CUBN: variants seen among roughly 807,000 people sequenced by gnomAD.
CUBN encodes the protein cubilin.
CUBN carries 282 observed loss-of-function variants against 405.3 expected under a neutral mutation model. That is an observed-to-expected ratio of 0.70 (90% CI 0.63 to 0.77). The LOEUF (loss-of-function observed/expected upper bound fraction) is 0.77, where lower values mean the gene tolerates loss of function less well. Among genes scored for constraint, CUBN ranks in the 30% least tolerant of loss-of-function variants. The pLI is 0.00. For synonymous variants in CUBN, 1,684 were observed against 1,617.0 expected (o/e 1.04, Z -0.99); for missense variants, 4,514 against 4,475.2 (o/e 1.01, Z -0.25).
At chr10:17,083,633 A>C (rs1313156319) in intron 17 of CUBN, among the ~76,000 whole-genome samples, 1 of 152,172 alleles carries the variant, frequency 6.6e-6, no homozygotes, top group Non-Finnish European at 1.5e-5. Flanking sequence ...TAAATGTAGA[A>C]AGAAGAGGAC....
chr10:17,077,012 T>C (rs908418513), intron 17 of CUBN, among the ~76,000 whole-genome samples: 2 of 152,240 alleles, frequency 1.3e-5, no homozygotes, highest in African/African-American at 4.8e-5. Context: ...GTCTGGTTTG[T>C]GCAGAAAAAC....
At chr10:17,018,078 C>G (rs776936587) in intron 28 of CUBN, among the ~76,000 whole-genome samples, 1 of 152,112 alleles carries the variant, frequency 6.6e-6, no homozygotes, top group East Asian at 1.9e-4. Flanking sequence ...CCAGGCCAAC[C>G]AACGCTCCCA....
intron 17 of CUBN, among the ~76,000 whole-genome samples, chr10:17,082,515 T>G (rs547672515): frequency 6.6e-6 from 1 of 152,292 alleles, no homozygotes; most frequent in African/African-American, 2.4e-5. Context: ...GTACTGATAG[T>G]TCTTTAGAAC....
intron 62 of CUBN, among the ~76,000 whole-genome samples, chr10:16,839,814 C>G (rs546289704): frequency 1.3e-5 from 2 of 151,920 alleles, no homozygotes; most frequent in African/African-American, 2.4e-5. Context: ...TTGGAACCAT[C>G]CCAAATGTCC....
Position 16,900,719 on chromosome 10 carries a change from T to C in CUBN, c.8316A>G (p.Ile2772Met). ...QYCGNSNPRT[I>M]QSGSNQLVVT... ...CGACCAGCTGATTGGAACCTGACTG[T>C]ATTGTCCTGGGGTTTGAATTTCCAC... The change falls in exon 53 of 67, where the codon ATA (isoleucine) becomes ATG (methionine). Residue 2772 changes from isoleucine (I) to methionine (M), a missense_variant. Transcript: ENST00000377833. The C allele has an allele frequency of 6.2e-7, 1 of 1,614,174 alleles. No homozygotes were observed. Among genetic ancestry groups the C allele is most frequent in the Non-Finnish European group, 8.5e-7 (1 of 1,180,002 alleles).
Position 17,043,820 on chromosome 10 carries a change from C to A in CUBN, c.3829+7G>T, listed in dbSNP as rs750049775. On this transcript the variant is annotated splice_region_variant and intron_variant, in intron 26 of 66. Transcript: ENST00000377833. ...TACACACTTACTCTGCCGGTATTCACACTTACTCTGCCGGTATTCAGCCTT... is the reference window on the plus strand; with the variant it reads ...TACACACTTACTCTGCCGGTATTCAAACTTACTCTGCCGGTATTCAGCCTT... 5.6e-6 allele frequency: 9 copies of A among 1,611,308 alleles called. No individual in the cohort carries two copies. The highest frequency in any genetic ancestry group is 7.6e-6 in the Non-Finnish European group (9 of 1,178,330).
intron 31 of CUBN, among the ~76,000 whole-genome samples, chr10:16,970,888 C>T (rs758404522): frequency 3.7e-4 from 57 of 152,184 alleles, no homozygotes; most frequent in Admixed American, 9.2e-4. Context: ...CAACAGCAAA[C>T]GAACTCTAAG....
Position 16,913,997 on chromosome 10 carries a change from C to G in CUBN, c.7352-5G>C, listed in dbSNP as rs541029961. Reference sequence around the variant, plus strand: ...CCTGAAGATCCCCACCACACTCTGACGTGGGGAAAAAGCCAAGAAAACTTT... The same window carrying G: ...CCTGAAGATCCCCACCACACTCTGAGGTGGGGAAAAAGCCAAGAAAACTTT... On this transcript the variant is annotated splice_polypyrimidine_tract_variant and splice_region_variant and intron_variant, in intron 47 of 66. Coordinates refer to ENST00000377833, the MANE Select transcript of CUBN (RefSeq NM_001081.4). 2 of 1,613,722 alleles carry G rather than the reference C, an allele frequency of 1.2e-6. No homozygotes were observed. The highest frequency in any genetic ancestry group is 8.5e-7 in the Non-Finnish European group (1 of 1,179,916).
chr10:16,872,417 T>G (rs1156727588), intron 58 of CUBN, among the ~76,000 whole-genome samples: 1 of 151,850 alleles, frequency 6.6e-6, no homozygotes, highest in Non-Finnish European at 1.5e-5. Context: ...TGAGTTGGTA[T>G]GTATACCATG....
intron 28 of CUBN, among the ~76,000 whole-genome samples, chr10:17,001,170 G>A (rs757707399): frequency 1.3e-5 from 2 of 152,200 alleles, no homozygotes; most frequent in Non-Finnish European, 2.9e-5. Context: ...CAGGAGTGAA[G>A]GTGGAGACCT....
chr10:17,026,583 G>C (rs751710179), intron 27 of CUBN, among the ~76,000 whole-genome samples: 2 of 151,284 alleles, frequency 1.3e-5, no homozygotes, highest in Non-Finnish European at 1.5e-5. Flanking sequence ...GCAGTGAGCC[G>C]AGATCGCACC....
intron 51 of CUBN, among the ~76,000 whole-genome samples, chr10:16,902,300 G>T (rs1396157410): frequency 7.3e-6 from 1 of 136,240 alleles, no homozygotes; most frequent in Non-Finnish European, 1.5e-5. Context: ...ATATATTTGT[G>T]TATATATAGT....
At chr10:16,871,300 C>T (rs570454281) in intron 58 of CUBN, among the ~76,000 whole-genome samples, 2 of 151,856 alleles carry the variant, frequency 1.3e-5, no homozygotes, top group South Asian at 2.1e-4. Context: ...CCTCAGCCTC[C>T]CTGTGCTGGG....
intron 28 of CUBN, among the ~76,000 whole-genome samples, chr10:17,014,718 G>A (rs1247663190): frequency 6.6e-6 from 1 of 152,168 alleles, no homozygotes; most frequent in East Asian, 1.9e-4. Flanking sequence ...GTAGCCAAAA[G>A]TAAATCATCC....
At chr10:17,115,098 G>T (rs1357632387) in intron 7 of CUBN, among the ~76,000 whole-genome samples, 2 of 151,998 alleles carry the variant, frequency 1.3e-5, no homozygotes, top group Non-Finnish European at 2.9e-5. Flanking sequence ...ACCAAAATTA[G>T]CCAGGCATGT....
chr10:17,082,358 T>G (rs1835991410), intron 17 of CUBN, among the ~76,000 whole-genome samples: 2 of 152,234 alleles, frequency 1.3e-5, no homozygotes, highest in Non-Finnish European at 2.9e-5. Flanking sequence ...CATTCCACCA[T>G]TCTGGTTTAT....
intron 14 of CUBN, among the ~76,000 whole-genome samples, chr10:17,088,777 T>C (rs113276966): frequency 1.9e-3 from 297 of 152,372 alleles, no homozygotes; most frequent in Non-Finnish European, 3.4e-3. Flanking sequence ...TGTGACATAA[T>C]TTTCATTTGA....
At chr10:17,089,544 G>T (rs1836205603) in intron 14 of CUBN, among the ~76,000 whole-genome samples, 1 of 152,134 alleles carries the variant, frequency 6.6e-6, no homozygotes, top group Admixed American at 6.5e-5. Flanking sequence ...AACCTTAATT[G>T]AGATGCCATT....
chr10:16,840,481 G>T lies in CUBN; in HGVS notation c.9881C>A (p.Pro3294His), dbSNP rs775402701. The change falls in exon 62 of 67, where the codon CCC (proline) becomes CAC (histidine). Residue 3294 changes from proline to histidine, a missense_variant. Transcript: ENST00000377833. ...TGGGACATCTGGGTCTGATGAATTGGGTGATGAAATATTTTGTGGGGTCCA... is the reference window on the plus strand; with the variant it reads ...TGGGACATCTGGGTCTGATGAATTGTGTGATGAAATATTTTGTGGGGTCCA... ...ATWTPQNISS[P>H]NSSDPDVPFS... 6.2e-6 allele frequency: 10 copies of T among 1,613,258 alleles called. No homozygotes were observed. The African/African-American group carries it at 1.2e-4, about 19-fold the overall frequency.
Sources: gnomAD v4.1 joint callset for allele counts (sites outside exome capture counted in the v4.1 genomes callset) on GRCh38, gnomAD v4.1.1 for gene constraint, MANE v1.5 for transcripts, NCBI Gene and HGNC (gene_info 2026-07-23, HGNC 2026-07-21) for gene names.